Variants in MYPOP observed in about 807,000 individuals in gnomAD.
MYPOP encodes Myb related transcription factor, partner of profilin.
MYPOP carries 21 observed loss-of-function variants against 25.7 expected under a neutral mutation model. The observed-to-expected ratio is 0.82, with a 90% confidence interval of 0.58 to 1.18. The LOEUF is 1.18. Among genes scored for constraint, MYPOP ranks in the 50% most tolerant of loss-of-function variants. MYPOP has a pLI of 0.00. For missense variants in MYPOP, 566 were observed against 588.3 expected (o/e 0.96, Z 0.39); for synonymous variants, 280 against 247.9 (o/e 1.13, Z -1.22).
Position 45,890,707 on chromosome 19 carries a change from C to T in MYPOP, c.1116G>A (p.Pro372=), listed in dbSNP as rs768393539. 3.2e-5 allele frequency: 11 copies of T among 340,088 alleles called. No individual in the cohort carries two copies. The highest frequency in any genetic ancestry group is 5.0e-4 in the Middle Eastern group (1 of 1,998). The allele number at this position is 340,088 out of a possible 1,614,324, so 21.1% of individuals were successfully genotyped here. A position where few individuals can be genotyped will look rare whatever the true frequency, so the allele number is the denominator to read the frequency against. ...GTGGGGGGGAGTCGTGCGGAGGGAG[C>T]GGGGCTGGGGGGGGCCGGGGTGCCC... is the stretch of plus-strand genomic sequence containing the variant. ...EEGAPRPPPA[P]LPPHDSPPHK... is the part of the protein sequence containing the mutation. Residue 372 remains proline, a synonymous_variant, in exon 3 of 3, where the codon CCG becomes CCA. Transcript: ENST00000322217.
Position 45,901,538 on chromosome 19 carries a change from C to A in MYPOP, c.236G>T (p.Arg79Leu). 6.2e-7 allele frequency: 1 copy of A among 1,611,908 alleles called. No individual in the cohort carries two copies. The highest frequency in any genetic ancestry group is 8.5e-7 in the Non-Finnish European group (1 of 1,179,548). ...WKRTGQEVQK[R>L]WNDFKRRTKE... ...GGTGCGGCGCTTGAAGTCGTTCCAG[C>A]GCTTCTGCACCTCCTGGCCCGTGCG... Residue 79 changes from arginine (R) to leucine (L), a missense_variant, in exon 2 of 3, where the codon CGC becomes CTC. Arg to Leu is a moderately radical substitution (Grantham distance 102). Transcript: ENST00000322217. This position sits in a 1 kb window ranked among gnomAD's most constrained non-coding sequence, Gnocchi z 5.7.
At chr19:45,896,031 C>T (rs1381117220) in intron 2 of MYPOP, among the ~76,000 whole-genome samples, 3 of 152,104 alleles carry the variant, frequency 2.0e-5, no homozygotes, top group Admixed American at 2.0e-4. Context: ...GTGGCTCAGC[C>T]GGTAATCCCA....
Position 45,891,286 on chromosome 19 carries a change from C to T in MYPOP, c.537G>A (p.Pro179=), listed in dbSNP as rs777928926. The T allele has an allele frequency of 1.6e-5, 25 of 1,543,756 alleles. No homozygotes were observed. Among genetic ancestry groups the T allele is most frequent in the Admixed American group, 3.9e-5 (2 of 51,224 alleles). The part of the protein sequence containing the change: ...SAHSKAGSSS[P]EPWARPSCTP... ...TGCAGGAGGGCCGGGCCCATGGCTCCGGGCTGCTGGAGCCCGCCTTGCTGT... is the reference window on the plus strand; with the variant it reads ...TGCAGGAGGGCCGGGCCCATGGCTCTGGGCTGCTGGAGCCCGCCTTGCTGT... Residue 179 remains proline, a synonymous_variant, in exon 3 of 3, where the codon CCG becomes CCA. Transcript: ENST00000322217.
intron 2 of MYPOP, among the ~76,000 whole-genome samples, chr19:45,900,105 C>T (rs896095995): frequency 6.6e-6 from 1 of 152,172 alleles, no homozygotes; most frequent in Non-Finnish European, 1.5e-5. Context: ...CTTGAACTGT[C>T]TTGTTTGATC....
rs560135500 is a variant in MYPOP, at chr19:45,890,722, C to G, written c.1101G>C (p.Arg367=). ...GCGGAGGGAGCGGGGCTGGGGGGGG[C>G]CGGGGTGCCCCCTCCTCGCTCCTTG... ...IAPRSEEGAP[R]PPPAPLPPHD... Residue 367 remains arginine, a synonymous_variant, in exon 3 of 3, where the codon CGG becomes CGC. Coordinates refer to ENST00000322217, the MANE Select transcript of MYPOP (RefSeq NM_001012643.4). 311 of 1,570,564 alleles carry G rather than the reference C, an allele frequency of 2.0e-4. 2 individuals are homozygous for G. In the African/African-American group the frequency reaches 3.7e-3, roughly 19 times the overall value.
intron 2 of MYPOP, among the ~76,000 whole-genome samples, chr19:45,900,969 G>C (rs1967279976): frequency 6.6e-6 from 1 of 152,130 alleles, no homozygotes; most frequent in Non-Finnish European, 1.5e-5. Context: ...AGTTGTGATC[G>C]GAGCCCAGGC....
In MYPOP at chr19:45,901,544, T is replaced by C. The variant is rs1238494249; in HGVS notation, c.230A>G (p.Gln77Arg). Reference sequence around the variant, plus strand: ...GCGCTTGAAGTCGTTCCAGCGCTTCTGCACCTCCTGGCCCGTGCGCTTCCA... The same window carrying C: ...GCGCTTGAAGTCGTTCCAGCGCTTCCGCACCTCCTGGCCCGTGCGCTTCCA... The part of the protein sequence containing the change: ...TSWKRTGQEV[Q>R]KRWNDFKRRT... Residue 77 changes from glutamine (Q) to arginine (R), a missense_variant, in exon 2 of 3, where the codon CAG becomes CGG. Transcript: ENST00000322217. This position sits in a 1 kb window ranked among gnomAD's most constrained non-coding sequence, Gnocchi z 5.7. 1 of 1,612,116 alleles carries C rather than the reference T, an allele frequency of 6.2e-7. No homozygotes were observed. Among genetic ancestry groups the C allele is most frequent in the Admixed American group, 1.7e-5 (1 of 59,972 alleles).
At chr19:45,896,792 AT>A in intron 2 of MYPOP, among the ~76,000 whole-genome samples, 1 of 150,142 alleles carries the variant, frequency 6.7e-6, no homozygotes, top group Non-Finnish European at 1.5e-5. Flanking sequence ...CGCCCGGCTA[AT>A]TTTTTGTATT....
rs369716779 is a variant in MYPOP, at chr19:45,891,874, C to A, written c.500-551G>T. Among the ~76,000 whole-genome samples the A allele has an allele frequency of 2.6e-5, 4 of 152,196 alleles. No homozygotes were observed. The South Asian group carries it at 8.3e-4, about 32-fold the overall frequency. Reference sequence around the variant, plus strand: ...CAGGTCCTGGAAGTCCCTTGCTAGGCCAGGCAGCTCCCATCTCACTCACAG... The same window carrying A: ...CAGGTCCTGGAAGTCCCTTGCTAGGACAGGCAGCTCCCATCTCACTCACAG... On this transcript the variant is annotated intron_variant, in intron 2 of 2. Coordinates refer to ENST00000322217, the MANE Select transcript of MYPOP (RefSeq NM_001012643.4).
At chr19:45,897,340 G>C (rs1967220853) in intron 2 of MYPOP, among the ~76,000 whole-genome samples, 1 of 152,130 alleles carries the variant, frequency 6.6e-6, no homozygotes, top group African/African-American at 2.4e-5. Context: ...TGGGATTACA[G>C]GTGTGAGCCA....
intron 2 of MYPOP, among the ~76,000 whole-genome samples, chr19:45,898,019 G>A (rs1334128295): frequency 1.3e-5 from 2 of 151,890 alleles, no homozygotes; most frequent in East Asian, 1.9e-4. Context: ...CACCTCCCAG[G>A]TTCAAGTGAT....
rs545028640 is a variant in MYPOP at position 45,890,325 on chromosome 19, C to T, written c.*298G>A. ...TTAGGGAAGGGGAGATGTGCAGACC[C>T]GAGAGGTTCCCTCCCCACCCCACAT... On this transcript the variant is annotated 3_prime_UTR_variant, in exon 3 of 3. Coordinates refer to ENST00000322217, the MANE Select transcript of MYPOP (RefSeq NM_001012643.4). 188 of 321,744 alleles carry T rather than the reference C, an allele frequency of 5.8e-4. No individual in the cohort carries two copies. In the Middle Eastern group the frequency reaches 0.011, roughly 18 times the overall value. The allele number at this position is 321,744 out of a possible 1,614,324, so 19.9% of individuals were successfully genotyped here.
At position 45,901,787 on chromosome 19, in the gene MYPOP, G is replaced by T; in HGVS notation, c.-14C>A. On this transcript the variant is annotated 5_prime_UTR_variant, in exon 2 of 3. Transcript: ENST00000322217. The surrounding 1 kb of genome is among the most constrained non-coding windows in gnomAD (Gnocchi z 5.7). ...CGCCGAGGCCATGGCGCCCCCCGAC[G>T]CCGCCGTCCTGCCGTCTGGCGCATG... 7.0e-7 allele frequency: 1 copy of T among 1,418,518 alleles called. No homozygotes were observed. Among genetic ancestry groups the T allele is most frequent in the Non-Finnish European group, 9.2e-7 (1 of 1,090,110 alleles). The allele number at this position is 1,418,518 out of a possible 1,614,324, so 87.9% of individuals were successfully genotyped here. A position where few individuals can be genotyped will look rare whatever the true frequency, so the allele number is the denominator to read the frequency against.
intron 2 of MYPOP, among the ~76,000 whole-genome samples, chr19:45,893,724 T>C (rs1258703525): frequency 4.0e-5 from 6 of 151,690 alleles, no homozygotes; most frequent in African/African-American, 1.5e-4. Flanking sequence ...AAATTGATCG[T>C]GGTGATGGTT....
rs569118617 is a variant in MYPOP, at chr19:45,890,304, G to A, written c.*319C>T. 3.6e-5 allele frequency: 10 copies of A among 276,592 alleles called. No individual in the cohort carries two copies. In the South Asian group the frequency reaches 8.2e-4, roughly 23 times the overall value. The allele number at this position is 276,592 out of a possible 1,614,324, so 17.1% of individuals were successfully genotyped here. On this transcript the variant is annotated 3_prime_UTR_variant, in exon 3 of 3. Transcript: ENST00000322217. ...TCAAGTCAAGAACAGGAACTGTTAGGGAAGGGGAGATGTGCAGACCCGAGA... is the reference window on the plus strand; with the variant it reads ...TCAAGTCAAGAACAGGAACTGTTAGAGAAGGGGAGATGTGCAGACCCGAGA...
In MYPOP at chr19:45,901,797, T is replaced by C; in HGVS notation, c.-24A>G. The C allele has an allele frequency of 7.2e-7, 1 of 1,384,384 alleles. No homozygotes were observed. The highest frequency in any genetic ancestry group is 2.6e-4 in the Middle Eastern group (1 of 3,900). The allele number at this position is 1,384,384 out of a possible 1,614,324, so 85.8% of individuals were successfully genotyped here. On this transcript the variant is annotated 5_prime_UTR_variant, in exon 2 of 3. Coordinates refer to ENST00000322217, the MANE Select transcript of MYPOP (RefSeq NM_001012643.4). This position sits in a 1 kb window ranked among gnomAD's most constrained non-coding sequence, Gnocchi z 5.7. ...ATGGCGCCCCCCGACGCCGCCGTCC[T>C]GCCGTCTGGCGCATGGGGGGCGCCG...
At chr19:45,897,542 T>G (rs1381987121) in intron 2 of MYPOP, among the ~76,000 whole-genome samples, 1 of 152,172 alleles carries the variant, frequency 6.6e-6, no homozygotes, top group Non-Finnish European at 1.5e-5. Flanking sequence ...GTCACAGCAG[T>G]GCCCCTGCAA....
chr19:45,899,837 T>C (rs896065028), intron 2 of MYPOP, among the ~76,000 whole-genome samples: 1 of 152,116 alleles, frequency 6.6e-6, no homozygotes, highest in Non-Finnish European at 1.5e-5. Context: ...CAAGACTCCG[T>C]CTCAAAACAA....
rs758494675 is a variant in MYPOP, at chr19:45,890,598, C to CA, written c.*24dup. The stretch of plus-strand genomic sequence containing the variant: ...TGCGCCAAGCTGGGGAGAGGGGTTG[C>CA]AGGCAGGATCATAGATAGTAGATTT... On this transcript the variant is annotated 3_prime_UTR_variant, in exon 3 of 3. Coordinates refer to ENST00000322217, the MANE Select transcript of MYPOP (RefSeq NM_001012643.4). 43 of 1,608,500 alleles carry CA rather than the reference C, an allele frequency of 2.7e-5. No individual in the cohort carries two copies. Among genetic ancestry groups the CA allele is most frequent in the Non-Finnish European group, 3.6e-5 (42 of 1,177,386 alleles).
Sources: gnomAD v4.1 joint callset for allele counts (sites outside exome capture counted in the v4.1 genomes callset) on GRCh38, gnomAD v4.1.1 for gene constraint, Gnocchi (gnomAD v3.1) non-coding constraint, MANE v1.5 for transcripts, NCBI Gene and HGNC (gene_info 2026-07-23, HGNC 2026-07-21) for gene names.